ARHGEF3: variants seen among roughly 807,000 people sequenced by gnomAD.
ARHGEF3 encodes Rho guanine nucleotide exchange factor 3.
In ARHGEF3, 28 loss-of-function variants were observed where a neutral mutation model predicts 63.2. That is an observed-to-expected ratio of 0.44 (90% CI 0.33 to 0.61). The LOEUF (loss-of-function observed/expected upper bound fraction) is 0.61, where lower values mean the gene tolerates loss of function less well. ARHGEF3 is among the 20% of genes least tolerant of loss of function. The pLI is 0.03. For missense variants in ARHGEF3, 533 were observed against 659.3 expected (o/e 0.81, Z 2.10); for synonymous variants, 266 against 254.2 (o/e 1.05, Z -0.44).
intron 2 of ARHGEF3, among the ~76,000 whole-genome samples, chr3:56,771,678 C>T (rs114735087): frequency 0.013 from 1,932 of 152,246 alleles, 40 homozygotes; most frequent in African/African-American, 0.044. Flanking sequence ...AATATGAGGG[C>T]AAGAAGAGCC....
At chr3:57,054,495 G>A (rs62250294) in intron 1 of ARHGEF3, among the ~76,000 whole-genome samples, 22,198 of 149,534 alleles carry the variant, frequency 0.15, 1,879 homozygotes, top group Middle Eastern at 0.25. Flanking sequence ...AAAAAAAGTC[G>A]GGCATGATGG....
At chr3:56,955,181 CTT>C (rs56851084) in intron 3 of ARHGEF3, among the ~76,000 whole-genome samples, 16,957 of 143,176 alleles carry the variant, frequency 0.12, 1,189 homozygotes, top group East Asian at 0.26. Flanking sequence ...GATCCTTTTT[CTT>C]TTTTTTTTTT....
intron 4 of ARHGEF3, among the ~76,000 whole-genome samples, chr3:56,869,727 A>T (rs1199026749): frequency 1.3e-5 from 2 of 152,242 alleles, no homozygotes; most frequent in African/African-American, 4.8e-5. Context: ...AAACTCAATT[A>T]GCTGGGCATG....
intron 2 of ARHGEF3, among the ~76,000 whole-genome samples, chr3:57,011,013 G>A (rs1444345268): frequency 6.6e-6 from 1 of 152,220 alleles, no homozygotes; most frequent in Non-Finnish European, 1.5e-5. Context: ...AAATTGCAAA[G>A]CAGACCCAAA....
At chr3:56,821,551 A>T (rs1251073583) in intron 4 of ARHGEF3, among the ~76,000 whole-genome samples, 1 of 152,242 alleles carries the variant, frequency 6.6e-6, no homozygotes, top group Middle Eastern at 3.2e-3. Flanking sequence ...TGAAAATGGC[A>T]TGTGTAGAAC....
chr3:56,899,498 T>C (rs2041433959), intron 3 of ARHGEF3, among the ~76,000 whole-genome samples: 1 of 152,246 alleles, frequency 6.6e-6, no homozygotes. Context: ...TAGAATTTAT[T>C]TACATTAGTT....
chr3:57,058,240 G>T (rs1377458008), intron 1 of ARHGEF3, among the ~76,000 whole-genome samples: 1 of 152,202 alleles, frequency 6.6e-6, no homozygotes, highest in Admixed American at 6.5e-5. Context: ...TCCCTCAAGG[G>T]CCAATCTACA....
chr3:56,911,443 C>T (rs548516239), intron 3 of ARHGEF3, among the ~76,000 whole-genome samples: 1 of 152,236 alleles, frequency 6.6e-6, no homozygotes, highest in Non-Finnish European at 1.5e-5. Context: ...CGGCCAGTAT[C>T]AGGAATGAGT....
intron 1 of ARHGEF3, among the ~76,000 whole-genome samples, chr3:56,801,402 G>A (rs2037640863): frequency 6.6e-6 from 1 of 152,272 alleles, no homozygotes; most frequent in Non-Finnish European, 1.5e-5. Flanking sequence ...CAGTCTGAGA[G>A]CCCTGCAAAG....
At chr3:57,052,065 A>G (rs1024652965) in intron 1 of ARHGEF3, among the ~76,000 whole-genome samples, 2 of 152,198 alleles carry the variant, frequency 1.3e-5, no homozygotes, top group African/African-American at 4.8e-5. Flanking sequence ...TAATTATCAC[A>G]CTAAAGCCAC....
intron 1 of ARHGEF3, among the ~76,000 whole-genome samples, chr3:56,780,840 A>G (rs1204321301): frequency 6.6e-6 from 1 of 152,234 alleles, no homozygotes; most frequent in African/African-American, 2.4e-5. Context: ...CATGTTGCTA[A>G]GTCTTATTAC....
At chr3:56,882,485 C>A (rs2040800162) in intron 3 of ARHGEF3, 1 of 670,824 alleles carries the variant, frequency 1.5e-6, no homozygotes, top group African/African-American at 1.9e-5. Context: ...AAACCTTTAA[C>A]CAAGCTATGT....
At chr3:56,941,405 G>A (rs746335212) in intron 3 of ARHGEF3, among the ~76,000 whole-genome samples, 1 of 152,106 alleles carries the variant, frequency 6.6e-6, no homozygotes, top group Non-Finnish European at 1.5e-5. Context: ...ACAGGGTTTT[G>A]CCATGTTGGC....
At chr3:56,920,655 T>C (rs1166114028) in intron 3 of ARHGEF3, among the ~76,000 whole-genome samples, 1 of 152,188 alleles carries the variant, frequency 6.6e-6, no homozygotes, top group Admixed American at 6.5e-5. Flanking sequence ...TGTCACAAAA[T>C]CTTACAGTTG....
chr3:57,051,730 G>A (rs751435621), intron 1 of ARHGEF3, among the ~76,000 whole-genome samples: 11 of 152,064 alleles, frequency 7.2e-5, no homozygotes, highest in Non-Finnish European at 1.3e-4. Context: ...TTGGGAGGCC[G>A]AGGTGGGTGG....
intron 3 of ARHGEF3, among the ~76,000 whole-genome samples, chr3:56,902,646 C>T (rs890759825): frequency 6.6e-6 from 1 of 152,190 alleles, no homozygotes; most frequent in Non-Finnish European, 1.5e-5. Context: ...AGCACTGAAG[C>T]GGGCACATGG....
At chr3:56,910,035 C>T (rs1321464615) in intron 3 of ARHGEF3, among the ~76,000 whole-genome samples, 1 of 152,146 alleles carries the variant, frequency 6.6e-6, no homozygotes, top group African/African-American at 2.4e-5. Context: ...CCCCAGCCAA[C>T]TTGCGCACTT....
chr3:56,869,432 A>G (rs2040362770), intron 4 of ARHGEF3, among the ~76,000 whole-genome samples: 1 of 152,234 alleles, frequency 6.6e-6, no homozygotes, highest in Non-Finnish European at 1.5e-5. Flanking sequence ...ACAGCAGGGT[A>G]GAGGAAGACA....
In ARHGEF3 at chr3:56,944,048, C is replaced by T. The variant is rs183640721; in HGVS notation, c.129+14775G>A. ...AAAATTAGCCAGGCATGATGGCGGG[C>T]GCCTATAATCCCAGCTACTCGGGCG... On this transcript the variant is annotated intron_variant, in intron 3 of 12. Coordinates refer to the ARHGEF3 transcript ENST00000338458. Among the ~76,000 whole-genome samples the T allele has an allele frequency of 1.9e-4, 29 of 151,132 alleles. No homozygotes were observed. In the East Asian group the frequency reaches 4.1e-3, roughly 21 times the overall value.
Sources: gnomAD v4.1 joint callset for allele counts (sites outside exome capture counted in the v4.1 genomes callset) on GRCh38, gnomAD v4.1.1 for gene constraint, MANE v1.5 for transcripts, NCBI Gene and HGNC (gene_info 2026-07-23, HGNC 2026-07-21) for gene names.